The following RIMBP2 variants were observed in gnomAD, a reference collection of about 807,000 sequenced individuals.
RIMBP2 encodes RIMS-binding protein 2.
In RIMBP2, 48 loss-of-function variants were observed where a neutral mutation model predicts 118.6. That is an observed-to-expected ratio of 0.40 (90% CI 0.32 to 0.51). The LOEUF is 0.51. Among genes scored for constraint, RIMBP2 ranks in the 20% least tolerant of loss-of-function variants. RIMBP2 has a pLI of 0.41. For synonymous variants in RIMBP2, 762 were observed against 742.9 expected, an observed-to-expected ratio of 1.03 and a Z score of -0.42; for missense variants, 1,551 against 1,768.3, an observed-to-expected ratio of 0.88 and a Z score of 2.20.
At chr12:130,699,603 A>G (rs1317109602) in intron 1 of RIMBP2, among the ~76,000 whole-genome samples, 1 of 150,718 alleles carries the variant, frequency 6.6e-6, no homozygotes, top group South Asian at 2.1e-4. Flanking sequence ...GGGGAGGGAT[A>G]GCGTTAGGAG....
Position 130,431,555 on chromosome 12 carries a change from ATAT to A in RIMBP2, c.2253+3176_2253+3178del, listed in dbSNP as rs201340535. On this transcript the variant is annotated intron_variant, in intron 14 of 22. Coordinates refer to ENST00000690449, the MANE Select transcript of RIMBP2 (RefSeq NM_001393629.1). The surrounding 1 kb of genome is among the most constrained non-coding windows in gnomAD (Gnocchi z 4.0). ...AAATAAGTATCACTTATTTTATGTT[ATAT>A]TATTATATTATTAACAATATATATT... 788 of 206,246 alleles carry A rather than the reference ATAT, an allele frequency of 3.8e-3. 24 individuals are homozygous for A. Among genetic ancestry groups the A allele is most frequent in the Admixed American group, 0.037 (709 of 19,176 alleles). The allele number at this position is 206,246 out of a possible 1,614,324, so 12.8% of individuals were successfully genotyped here.
intron 2 of RIMBP2, among the ~76,000 whole-genome samples, chr12:130,550,883 T>C (rs552424446): frequency 6.6e-6 from 1 of 152,330 alleles, no homozygotes; most frequent in East Asian, 1.9e-4. Context: ...GGACTGTAAG[T>C]GACTTTTGAA....
chr12:130,681,853 C>T (rs898098581), intron 1 of RIMBP2, among the ~76,000 whole-genome samples: 1 of 152,138 alleles, frequency 6.6e-6, no homozygotes, highest in African/African-American at 2.4e-5. Context: ...CACCACCATG[C>T]CCGGCTAATT....
At position 130,399,802 on chromosome 12, in the gene RIMBP2, A is replaced by C; in HGVS notation, c.3777T>G (p.Asn1259Lys). 1 of 1,613,908 alleles carries C rather than the reference A, an allele frequency of 6.2e-7. No homozygotes were observed. The highest frequency in any genetic ancestry group is 8.5e-7 in the Non-Finnish European group (1 of 1,179,912). ...DEDGFYYGEL[N>K]GQKGLVPSNF... ...TTGAGGGCACAAGGCCTTTCTGCCC[A>C]TTCAGCTCCCCCTAAAACACCAGGG... Residue 1259 changes from asparagine to lysine, a missense_variant, in exon 22 of 23, where the codon AAT becomes AAG. Transcript: ENST00000690449.
intron 2 of RIMBP2, among the ~76,000 whole-genome samples, chr12:130,566,175 GCA>G (rs3047801): frequency 0.13 from 18,613 of 147,582 alleles, 1,314 homozygotes; most frequent in East Asian, 0.37. Flanking sequence ...ATACACACAT[GCA>G]CACACACACA....
intron 20 of RIMBP2, among the ~76,000 whole-genome samples, chr12:130,407,465 GTTCT>G (rs760901680): frequency 6.6e-6 from 1 of 152,324 alleles, no homozygotes; most frequent in Non-Finnish European, 1.5e-5. Flanking sequence ...ATGACAGATT[GTTCT>G]TTCTGTCATG....
chr12:130,662,388 T>C (rs1395046073), intron 1 of RIMBP2, among the ~76,000 whole-genome samples: 1 of 152,090 alleles, frequency 6.6e-6, no homozygotes, highest in Non-Finnish European at 1.5e-5. Flanking sequence ...CGGAGCGCGG[T>C]GGCTCACGCC....
intron 6 of RIMBP2, among the ~76,000 whole-genome samples, chr12:130,461,011 C>A (rs1478493884): frequency 2.5e-4 from 38 of 152,188 alleles, no homozygotes; most frequent in Non-Finnish European, 2.9e-5. Context: ...GGTGTTTCTC[C>A]TCCAAGGGGC....
At chr12:130,444,699 G>T (rs947812818) in intron 10 of RIMBP2, among the ~76,000 whole-genome samples, 1 of 152,224 alleles carries the variant, frequency 6.6e-6, no homozygotes, top group Non-Finnish European at 1.5e-5. Flanking sequence ...TGACAACAGT[G>T]CCTTGAAGTC....
intron 2 of RIMBP2, among the ~76,000 whole-genome samples, chr12:130,597,246 T>G (rs531900586): frequency 9.2e-5 from 14 of 152,314 alleles, no homozygotes; most frequent in Middle Eastern, 3.4e-3. Flanking sequence ...TTATTTTTAT[T>G]TATTTATTTA....
intron 2 of RIMBP2, among the ~76,000 whole-genome samples, chr12:130,573,843 A>G (rs1877982): frequency 0.9 from 136,971 of 152,088 alleles, 62,056 homozygotes; most frequent in East Asian, 0.99. Flanking sequence ...GGCTGTCCAC[A>G]CAGAAATCCC....
At chr12:130,700,695 C>T (rs1406683281) in intron 1 of RIMBP2, among the ~76,000 whole-genome samples, 1 of 152,224 alleles carries the variant, frequency 6.6e-6, no homozygotes. Flanking sequence ...CTCAGACTTT[C>T]GCGTTCAGAA....
chr12:130,644,803 GCA>G (rs2062777242), intron 1 of RIMBP2, among the ~76,000 whole-genome samples: 1 of 152,214 alleles, frequency 6.6e-6, no homozygotes, highest in Non-Finnish European at 1.5e-5. Context: ...TGAGAACGTG[GCA>G]CAGAGTCACT....
chr12:130,507,493 T>G (rs1246881818), intron 3 of RIMBP2, among the ~76,000 whole-genome samples: 1 of 152,232 alleles, frequency 6.6e-6, no homozygotes, highest in East Asian at 1.9e-4. Flanking sequence ...TCTAAAAATT[T>G]TATCTCATCT....
intron 4 of RIMBP2, among the ~76,000 whole-genome samples, chr12:130,493,299 T>C (rs918703544): frequency 6.6e-6 from 1 of 152,146 alleles, no homozygotes; most frequent in African/African-American, 2.4e-5. Context: ...TTTTGTTTTT[T>C]GTTGTTTCTT....
chr12:130,582,284 A>T (rs1478511622), intron 2 of RIMBP2, among the ~76,000 whole-genome samples: 1 of 152,126 alleles, frequency 6.6e-6, no homozygotes, highest in Non-Finnish European at 1.5e-5. Flanking sequence ...TGTGCCTGGT[A>T]CATAGTGGAC....
chr12:130,609,247 C>T (rs73156974), intron 2 of RIMBP2, among the ~76,000 whole-genome samples: 2 of 152,056 alleles, frequency 1.3e-5, no homozygotes, highest in South Asian at 2.1e-4. Context: ...TCTGCCCCCC[C>T]ACGTTTATAC....
chr12:130,692,418 A>G (rs2065351281), intron 1 of RIMBP2, among the ~76,000 whole-genome samples: 2 of 152,098 alleles, frequency 1.3e-5, no homozygotes, highest in Non-Finnish European at 2.9e-5. Context: ...GAATGATTTG[A>G]CGAGTCTTTT....
At position 130,510,140 on chromosome 12, in the gene RIMBP2, A is replaced by C. The variant is rs540005336; in HGVS notation, c.-126-3370T>G. Among the ~76,000 whole-genome samples the C allele has an allele frequency of 2.0e-4, 31 of 152,348 alleles. No individual in the cohort carries two copies. In the East Asian group the frequency reaches 6.0e-3, roughly 29 times the overall value. On this transcript the variant is annotated intron_variant, in intron 3 of 22. Coordinates refer to ENST00000690449, the MANE Select transcript of RIMBP2 (RefSeq NM_001393629.1). ...GCTGCCGTTCCAGTGTGAACCTGGA[A>C]AGAAATCACCGGGCACCGGAACGCA...
Sources: gnomAD v4.1 joint callset for allele counts (sites outside exome capture counted in the v4.1 genomes callset) on GRCh38, gnomAD v4.1.1 for gene constraint, Gnocchi (gnomAD v3.1) non-coding constraint, MANE v1.5 for transcripts, NCBI Gene and HGNC (gene_info 2026-07-23, HGNC 2026-07-21) for gene names.